Variants in VPS35L observed in about 807,000 individuals in gnomAD.
VPS35L encodes VPS35 endosomal protein sorting factor like, also known as VPS35 endosomal protein-sorting factor-like.
VPS35L carries 83 observed loss-of-function variants against 133.0 expected under a neutral mutation model. The ratio of observed to expected loss-of-function variants is 0.62; its 90% CI spans 0.52 to 0.75. The LOEUF (loss-of-function observed/expected upper bound fraction) is 0.75, where lower values mean the gene tolerates loss of function less well. VPS35L is among the 30% of genes least tolerant of loss of function. The pLI is 0.00. For missense variants in VPS35L, 1,083 were observed against 1,206.8 expected (o/e 0.90, Z 1.52); for synonymous variants, 423 against 449.9 (o/e 0.94, Z 0.76).
At position 19,700,386 on chromosome 16, in the gene VPS35L, G is replaced by A. The variant is rs150534544; in HGVS notation, c.2802G>A (p.Thr934=). ...GCADTRTMVK[T]LEYIKKQSKQ... ...TTTCTTTTTCCTCATAGGTGAAAAC[G>A]CTAGAATACATCAAGAAGCAAAGCA... The change falls in exon 31 of 31, where the codon ACG becomes ACA. Residue 934 remains threonine (T), a synonymous_variant. Transcript: ENST00000417362. 393 of 1,613,662 alleles carry A rather than the reference G, an allele frequency of 2.4e-4. No individual in the cohort carries two copies. The highest frequency in any genetic ancestry group is 3.1e-4 in the Non-Finnish European group (364 of 1,179,730).
intron 28 of VPS35L, among the ~76,000 whole-genome samples, chr16:19,688,604 C>T (rs1433908009): frequency 1.3e-5 from 2 of 152,192 alleles, no homozygotes; most frequent in East Asian, 1.9e-4. Flanking sequence ...GCCGCCGCAC[C>T]GTCCCCCTTC....
Position 19,660,964 on chromosome 16 carries a change from G to T in VPS35L, c.2222-8196G>T, listed in dbSNP as rs143425091. ...CTGTTGTTAACAGTATGGACATCTTGATTTTTTTCTTTTATATATCCATTT... is the reference window on the plus strand; with the variant it reads ...CTGTTGTTAACAGTATGGACATCTTTATTTTTTTCTTTTATATATCCATTT... On this transcript the variant is annotated intron_variant, in intron 26 of 30. Coordinates refer to ENST00000417362, the MANE Select transcript of VPS35L (RefSeq NM_020314.7). Among the ~76,000 whole-genome samples the T allele has an allele frequency of 2.6e-3, 394 of 151,576 alleles. 2 individuals are homozygous for T. Among genetic ancestry groups the T allele is most frequent in the African/African-American group, 8.8e-3 (364 of 41,370 alleles).
At chr16:19,611,095 G>A (rs1000893159) in intron 12 of VPS35L, among the ~76,000 whole-genome samples, 1 of 152,178 alleles carries the variant, frequency 6.6e-6, no homozygotes, top group Non-Finnish European at 1.5e-5. Context: ...CACCGCCTGG[G>A]TTCAAATGAT....
At position 19,699,418 on chromosome 16, in the gene VPS35L, CCA is replaced by C. The variant is rs774473643; in HGVS notation, c.2647-83_2647-82del. On this transcript the variant is annotated intron_variant, in intron 29 of 30. Coordinates refer to ENST00000417362, the MANE Select transcript of VPS35L (RefSeq NM_020314.7). This position sits in a 1 kb window ranked among gnomAD's most constrained non-coding sequence, Gnocchi z 4.2. Reference sequence around the variant, plus strand: ...CACTGGAACTCAGGCATGACCTACCCCAGAGTCAGCACTGTCCACAGCATCTC... The same window carrying C: ...CACTGGAACTCAGGCATGACCTACCCGAGTCAGCACTGTCCACAGCATCTC... The C allele has an allele frequency of 1.9e-5, 29 of 1,537,068 alleles. No homozygotes were observed. The highest frequency in any genetic ancestry group is 2.4e-5 in the Non-Finnish European group (27 of 1,129,210).
intron 27 of VPS35L, among the ~76,000 whole-genome samples, chr16:19,680,376 G>A (rs1975227112): frequency 6.6e-6 from 1 of 152,172 alleles, no homozygotes; most frequent in Non-Finnish European, 1.5e-5. Context: ...AGACAGGGCG[G>A]GATTGAATGT....
chr16:19,620,016 G>A (rs1973027202), intron 14 of VPS35L, among the ~76,000 whole-genome samples: 1 of 152,062 alleles, frequency 6.6e-6, no homozygotes, highest in Non-Finnish European at 1.5e-5. Context: ...AGTGAGAGAG[G>A]GAAAGGAGAA....
At chr16:19,643,993 G>T (rs1973864651) in intron 22 of VPS35L, among the ~76,000 whole-genome samples, 1 of 151,824 alleles carries the variant, frequency 6.6e-6, no homozygotes, top group Non-Finnish European at 1.5e-5. Flanking sequence ...AACGAAGTGG[G>T]CATTTGTATT....
chr16:19,680,178 C>T (rs1471689018), intron 27 of VPS35L, among the ~76,000 whole-genome samples: 1 of 152,140 alleles, frequency 6.6e-6, no homozygotes. Context: ...TTCCCATCTG[C>T]GAAATGGGGC....
chr16:19,681,056 T>G (rs532685670), intron 27 of VPS35L, among the ~76,000 whole-genome samples: 2 of 152,260 alleles, frequency 1.3e-5, no homozygotes, highest in Admixed American at 1.3e-4. Context: ...GGCCAAGCCC[T>G]GGGGCACAGA....
intron 27 of VPS35L, among the ~76,000 whole-genome samples, chr16:19,681,793 C>T (rs1290517932): frequency 6.6e-6 from 1 of 152,130 alleles, no homozygotes; most frequent in Non-Finnish European, 1.5e-5. Flanking sequence ...CAGGGATCAT[C>T]CGGGGGCTCA....
chr16:19,663,580 T>C (rs1362240871), intron 26 of VPS35L, among the ~76,000 whole-genome samples: 1 of 149,606 alleles, frequency 6.7e-6, no homozygotes, highest in East Asian at 2.0e-4. Flanking sequence ...TAGATGTCTT[T>C]ATACCTCAAA....
chr16:19,651,976 G>A lies in VPS35L; in HGVS notation c.2107G>A (p.Ala703Thr). 2 of 1,592,052 alleles carry A rather than the reference G, an allele frequency of 1.3e-6. No homozygotes were observed. The highest frequency in any genetic ancestry group is 1.1e-5 in the South Asian group (1 of 90,260). The change falls in exon 26 of 31, where the codon GCC (alanine) becomes ACC (threonine). Residue 703 changes from alanine (A) to threonine (T), a missense_variant and splice_region_variant. Ala to Thr is a moderately conservative substitution (Grantham distance 58). Transcript: ENST00000417362. ...HSRKTAAFVR[A>T]CVAYCFITIP... ...GTTAATGTTTCTTCCCTTCTCCTAG[G>A]CCTGTGTTGCCTACTGCTTCATCAC...
rs1225004160 is a variant in VPS35L at position 19,651,922 on chromosome 16, T to C, written c.2107-54T>C. 2.4e-6 allele frequency: 3 copies of C among 1,245,654 alleles called. No homozygotes were observed. The African/African-American group carries it at 4.5e-5, about 18-fold the overall frequency. The allele number at this position is 1,245,654 out of a possible 1,614,324, so 77.2% of individuals were successfully genotyped here. ...AATACATGAGGGATGAAAACAGGAG[T>C]ATGATTCTGCCACCGTTGCACTGCT... On this transcript the variant is annotated intron_variant, in intron 25 of 30. Coordinates refer to ENST00000417362, the MANE Select transcript of VPS35L (RefSeq NM_020314.7).
At chr16:19,695,931 G>A (rs778713721) in intron 29 of VPS35L, among the ~76,000 whole-genome samples, 18 of 151,956 alleles carry the variant, frequency 1.2e-4, no homozygotes, top group Non-Finnish European at 2.2e-4. Flanking sequence ...CTGTTGCCCA[G>A]ACTGGAGTGT....
intron 7 of VPS35L, among the ~76,000 whole-genome samples, chr16:19,586,258 C>G (rs1456539608): frequency 1.3e-5 from 2 of 152,024 alleles, no homozygotes; most frequent in Non-Finnish European, 2.9e-5. Flanking sequence ...ATAGGATCTC[C>G]TACTCTGTGG....
chr16:19,620,987 A>G (rs955713736), intron 14 of VPS35L, among the ~76,000 whole-genome samples: 1 of 152,154 alleles, frequency 6.6e-6, no homozygotes, highest in Non-Finnish European at 1.5e-5. Context: ...ATAATTAAAA[A>G]TTAAACAGAA....
At chr16:19,607,556 C>G (rs1972571811) in intron 9 of VPS35L, among the ~76,000 whole-genome samples, 1 of 152,198 alleles carries the variant, frequency 6.6e-6, no homozygotes, top group South Asian at 2.1e-4. Flanking sequence ...GGCAGTTTCA[C>G]AAGATGACTC....
intron 15 of VPS35L, 77 bp from the exon 16 acceptor site, chr16:19,627,617 T>G: frequency 1.7e-6 from 2 of 1,157,866 alleles, no homozygotes; most frequent in Non-Finnish European, 2.6e-6. Context: ...TCTTCCTTCC[T>G]GGCAATATAT....
At chr16:19,648,970 G>A (rs897437840) in intron 24 of VPS35L, among the ~76,000 whole-genome samples, 1 of 149,304 alleles carries the variant, frequency 6.7e-6, no homozygotes, top group African/African-American at 2.5e-5. Context: ...TATATAAATT[G>A]AAAGAAAAAT....
Sources: allele counts gnomAD v4.1 joint callset (sites outside exome capture counted in the v4.1 genomes callset), GRCh38; gene constraint gnomAD v4.1.1; non-coding constraint Gnocchi (gnomAD v3.1); transcripts MANE v1.5; gene names NCBI Gene and HGNC (gene_info 2026-07-23, HGNC 2026-07-21).